RPS6KA2: variants seen among roughly 807,000 people sequenced by gnomAD.
RPS6KA2 encodes the protein ribosomal protein S6 kinase alpha-2.
A neutral mutation model predicts 91.8 loss-of-function variants in RPS6KA2; 42 were observed. That is an observed-to-expected ratio of 0.46 (90% CI 0.36 to 0.59). RPS6KA2 has a LOEUF of 0.59. Among genes scored for constraint, RPS6KA2 ranks in the 20% least tolerant of loss-of-function variants. RPS6KA2 has a pLI of 0.00. For missense variants in RPS6KA2, 798 were observed against 978.5 expected, an observed-to-expected ratio of 0.82 and a Z score of 2.46; for synonymous variants, 414 against 393.6, an observed-to-expected ratio of 1.05 and a Z score of -0.61.
intron 2 of RPS6KA2, among the ~76,000 whole-genome samples, chr6:166,855,416 A>G (rs1291560941): frequency 3.5e-5 from 5 of 142,816 alleles, no homozygotes; most frequent in Non-Finnish European, 7.4e-5. Context: ...GAAGAGGAGG[A>G]GGAAGAAGAA....
chr6:166,441,648 G>A (rs1044024236), intron 14 of RPS6KA2, among the ~76,000 whole-genome samples: 4 of 152,166 alleles, frequency 2.6e-5, no homozygotes, highest in Admixed American at 1.3e-4. Context: ...CTCCTTCTCC[G>A]GCCCCGTGCG....
rs555579407 is a variant in RPS6KA2 at position 166,502,087 on chromosome 6, A to G, written c.567-1163T>C. On this transcript the variant is annotated intron_variant, in intron 6 of 20. Coordinates refer to ENST00000265678, the MANE Select transcript of RPS6KA2 (RefSeq NM_021135.6). ...CTGGGGAGCTACTGTGCAGGGGGAC[A>G]GAGCTTTAGTTCTGCAAGATGAAAC... is the stretch of plus-strand genomic sequence containing the variant. Among the ~76,000 whole-genome samples, 8 of 152,354 alleles carry G rather than the reference A, an allele frequency of 5.3e-5. No homozygotes were observed. The East Asian group carries it at 1.5e-3, about 29-fold the overall frequency.
chr6:166,728,144 G>A (rs542737343), intron 2 of RPS6KA2, among the ~76,000 whole-genome samples: 1 of 152,342 alleles, frequency 6.6e-6, no homozygotes, highest in South Asian at 2.1e-4. Context: ...TTTATAGGAG[G>A]GACTTGAGCA....
At chr6:166,856,840 T>G (rs1165012607) in intron 2 of RPS6KA2, among the ~76,000 whole-genome samples, 5 of 152,242 alleles carry the variant, frequency 3.3e-5, no homozygotes, top group Non-Finnish European at 7.3e-5. Context: ...CACTGCCTCA[T>G]GCCTGCCTAC....
At chr6:166,578,652 G>C (rs1784912108) in intron 1 of RPS6KA2, among the ~76,000 whole-genome samples, 1 of 152,190 alleles carries the variant, frequency 6.6e-6, no homozygotes, top group Admixed American at 6.5e-5. Context: ...CCAATCTAGA[G>C]AGCGAGGTTT....
At chr6:166,764,399 G>A (rs542536074) in intron 2 of RPS6KA2, among the ~76,000 whole-genome samples, 117 of 152,264 alleles carry the variant, frequency 7.7e-4, no homozygotes, top group African/African-American at 2.3e-3. Flanking sequence ...TGTCGAGAAC[G>A]GCAAGCTCTG....
In RPS6KA2 at chr6:166,658,825, C is replaced by T. The variant is rs144004449; in HGVS notation, c.124-120041G>A. ...GCCCTAAACCCTCCGTGTTCCTCAA[C>T]GGCATCACTAGAGAGACTCTCTCTG... On this transcript the variant is annotated intron_variant, in intron 2 of 21. Coordinates refer to the RPS6KA2 transcript ENST00000503859. Among the ~76,000 whole-genome samples, 429 of 152,324 alleles carry T rather than the reference C, an allele frequency of 2.8e-3. 3 individuals are homozygous for T. The highest frequency in any genetic ancestry group is 9.8e-3 in the African/African-American group (406 of 41,566).
At chr6:166,564,598 C>T (rs546498600) in intron 1 of RPS6KA2, among the ~76,000 whole-genome samples, 2 of 152,346 alleles carry the variant, frequency 1.3e-5, no homozygotes, top group Admixed American at 6.5e-5. Flanking sequence ...TTTTCTAGGG[C>T]CCTCTTCTAG....
chr6:166,746,491 C>G (rs903204325), intron 2 of RPS6KA2, among the ~76,000 whole-genome samples: 28 of 152,362 alleles, frequency 1.8e-4, no homozygotes, highest in Middle Eastern at 3.4e-3. Context: ...TTCTTCCCAG[C>G]AGCAACCGAT....
chr6:166,411,988 G>C lies in RPS6KA2; in HGVS notation c.*774C>G, dbSNP rs1409867964. 1 of 152,332 alleles carries C rather than the reference G, an allele frequency of 6.6e-6. No individual in the cohort carries two copies. Among genetic ancestry groups the C allele is most frequent in the Non-Finnish European group, 1.5e-5 (1 of 68,164 alleles). 9.4% of individuals were successfully genotyped at this position (152,332 alleles called of 1,614,324 possible). On this transcript the variant is annotated 3_prime_UTR_variant, in exon 21 of 21. Transcript: ENST00000265678. This position sits in a 1 kb window ranked among gnomAD's most constrained non-coding sequence, Gnocchi z 4.5. ...GGAGCTGGGGACAGACGGCAGCCCA[G>C]TGCGCTTGGCCCCCCGGGGAAAGCC...
rs532009881 is a variant in RPS6KA2, at chr6:166,493,665, C to G, written c.748-2924G>C. On this transcript the variant is annotated intron_variant, in intron 8 of 20. Transcript: ENST00000265678. This position sits in a 1 kb window ranked among gnomAD's most constrained non-coding sequence, Gnocchi z 4.7. ...GCCAAAGCTCCACCGGGTGCAGGCC[C>G]GATGCTTCTGGGAAGGTAATTGGAC... Among the ~76,000 whole-genome samples the G allele has an allele frequency of 1.3e-4, 20 of 152,002 alleles. No homozygotes were observed. Among genetic ancestry groups the G allele is most frequent in the Non-Finnish European group, 2.2e-4 (15 of 68,020 alleles).
In RPS6KA2 at chr6:166,430,533, G is replaced by C. The variant is rs753437594; in HGVS notation, c.1501C>G (p.Gln501Glu). 5 of 1,614,120 alleles carry C rather than the reference G, an allele frequency of 3.1e-6. No individual in the cohort carries two copies. The South Asian group carries it at 5.5e-5, about 18-fold the overall frequency. ...GGELLDRILR[Q>E]RYFSEREASD... Reference sequence around the variant, plus strand: ...GCTTCGCGCTCCGAGAAGTATCTCTGCCGGAGGATGCGGTCCAGGAGCTCC... The same window carrying C: ...GCTTCGCGCTCCGAGAAGTATCTCTCCCGGAGGATGCGGTCCAGGAGCTCC... Residue 501 changes from glutamine (Q) to glutamate (E), a missense_variant, in exon 16 of 21, where the codon CAG becomes GAG. By Grantham distance (29) the Gln-to-Glu change is conservative (BLOSUM62 2). Coordinates refer to ENST00000265678, the MANE Select transcript of RPS6KA2 (RefSeq NM_021135.6).
chr6:166,800,131 C>A (rs1387272770), intron 2 of RPS6KA2, among the ~76,000 whole-genome samples: 1 of 152,184 alleles, frequency 6.6e-6, no homozygotes, highest in Non-Finnish European at 1.5e-5. Flanking sequence ...TTCAATTAGG[C>A]CAACTCCTCA....
intron 11 of RPS6KA2, among the ~76,000 whole-genome samples, chr6:166,466,380 T>C (rs1780522383): frequency 6.6e-6 from 1 of 152,260 alleles, no homozygotes; most frequent in Non-Finnish European, 1.5e-5. Flanking sequence ...TCCAGGCATC[T>C]CACAAGGTTG....
intron 10 of RPS6KA2, among the ~76,000 whole-genome samples, chr6:166,484,662 G>C (rs149157907): frequency 0.012 from 1,812 of 152,332 alleles, 39 homozygotes; most frequent in African/African-American, 0.041. Flanking sequence ...GTGCACTGAG[G>C]ATGGGAAACA....
intron 2 of RPS6KA2, among the ~76,000 whole-genome samples, chr6:166,774,406 T>A (rs1158537427): frequency 6.6e-6 from 1 of 152,216 alleles, no homozygotes; most frequent in African/African-American, 2.4e-5. Context: ...CAAGTGGTGC[T>A]GTGGCTGGAG....
intron 2 of RPS6KA2, among the ~76,000 whole-genome samples, chr6:166,691,116 G>A (rs1454217712): frequency 6.6e-6 from 1 of 152,104 alleles, no homozygotes; most frequent in Non-Finnish European, 1.5e-5. Flanking sequence ...CTCATGCCGG[G>A]AGACCTGCGC....
chr6:166,764,961 T>C (rs1778271153), intron 2 of RPS6KA2, among the ~76,000 whole-genome samples: 1 of 152,198 alleles, frequency 6.6e-6, no homozygotes, highest in Non-Finnish European at 1.5e-5. Flanking sequence ...TGTCCTCTCA[T>C]CATATGTCCA....
rs1790357317 is a variant in RPS6KA2, at chr6:166,726,990, G to A, written c.123+131210C>T. On this transcript the variant is annotated intron_variant, in intron 2 of 21. Coordinates refer to the RPS6KA2 transcript ENST00000503859. This position sits in a 1 kb window ranked among gnomAD's most constrained non-coding sequence, Gnocchi z 4.4. Reference sequence around the variant, plus strand: ...AGACATGGCCATTCCCAGGTATCTAGGTGTTCCTCCACTGATCAGAAACTT... The same window carrying A: ...AGACATGGCCATTCCCAGGTATCTAAGTGTTCCTCCACTGATCAGAAACTT... 6.6e-6 allele frequency among the ~76,000 whole-genome samples: 1 copy of A among 152,170 alleles called. No homozygotes were observed. The highest frequency in any genetic ancestry group is 1.5e-5 in the Non-Finnish European group (1 of 68,042).
Sources: allele counts gnomAD v4.1 joint callset (sites outside exome capture counted in the v4.1 genomes callset), GRCh38; gene constraint gnomAD v4.1.1; non-coding constraint Gnocchi (gnomAD v3.1); transcripts MANE v1.5; gene names NCBI Gene and HGNC (gene_info 2026-07-23, HGNC 2026-07-21).